Variants in TMEM178A observed in about 807,000 individuals in gnomAD.
TMEM178A encodes the protein transmembrane protein 178A.
TMEM178A carries 12 observed loss-of-function variants against 29.1 expected under a neutral mutation model. The observed-to-expected ratio is 0.41, with a 90% confidence interval of 0.26 to 0.67. TMEM178A has a LOEUF of 0.67. Among genes scored for constraint, TMEM178A ranks in the 30% least tolerant of loss-of-function variants. The pLI is 0.29. For missense variants in TMEM178A, 366 were observed against 419.1 expected (o/e 0.87, Z 1.11); for synonymous variants, 210 against 187.2 (o/e 1.12, Z -0.99).
downstream of TMEM178A, among the ~76,000 whole-genome samples, chr2:39,718,667 C>G (rs535980095): frequency 6.6e-6 from 1 of 152,162 alleles, no homozygotes; most frequent in East Asian, 1.9e-4. Flanking sequence ...GAGGATCAGA[C>G]TCAAAACATT....
At chr2:39,711,601 AC>A (rs1384205188) in intron 3 of TMEM178A, among the ~76,000 whole-genome samples, 6 of 152,298 alleles carry the variant, frequency 3.9e-5, no homozygotes, top group African/African-American at 1.4e-4. Context: ...GGGACAGTTA[AC>A]ACCCACCCAC....
the TMEM178A span, among the ~76,000 whole-genome samples, chr2:39,725,240 A>G: frequency 1.3e-5 from 2 of 152,298 alleles, no homozygotes; most frequent in Non-Finnish European, 2.9e-5. Context: ...CCCCTACAAA[A>G]CCAGTTCCTT....
At chr2:39,704,254 C>A in intron 2 of TMEM178A, 60 bp downstream of exon 2, 1 of 1,386,094 alleles carries the variant, frequency 7.2e-7, no homozygotes, top group South Asian at 1.2e-5. Flanking sequence ...AAAATTCCCA[C>A]CACCCCTCTC....
chr2:39,673,645 C>G (rs1488473059), intron 1 of TMEM178A, among the ~76,000 whole-genome samples: 1 of 152,194 alleles, frequency 6.6e-6, no homozygotes, highest in Non-Finnish European at 1.5e-5. Flanking sequence ...TGTCTCTTTA[C>G]AACAGGTCAC....
chr2:39,691,270 A>G (rs796721462), intron 1 of TMEM178A, among the ~76,000 whole-genome samples: 7 of 152,330 alleles, frequency 4.6e-5, no homozygotes, highest in African/African-American at 1.7e-4. Context: ...GAGACATATC[A>G]TAATATAACT....
chr2:39,697,084 C>G (rs1671575720), intron 1 of TMEM178A, among the ~76,000 whole-genome samples: 1 of 152,158 alleles, frequency 6.6e-6, no homozygotes, highest in South Asian at 2.1e-4. Context: ...GAATCTAATG[C>G]CTCCTTGTGG....
chr2:39,725,688 C>G, the TMEM178A span, among the ~76,000 whole-genome samples: 1 of 152,180 alleles, frequency 6.6e-6, no homozygotes, highest in Admixed American at 6.5e-5. Context: ...AATGACGCAT[C>G]ACTAAGATGG....
downstream of TMEM178A, among the ~76,000 whole-genome samples, chr2:39,720,467 C>G (rs1441875384): frequency 6.6e-6 from 1 of 152,186 alleles, no homozygotes; most frequent in African/African-American, 2.4e-5. Context: ...TGGGGACACC[C>G]CCTCCTCTGC....
chr2:39,704,399 G>T (rs1213054003), intron 2 of TMEM178A, among the ~76,000 whole-genome samples: 1 of 152,154 alleles, frequency 6.6e-6, no homozygotes. Context: ...TGGAAACCTG[G>T]TATAAGGTCT....
chr2:39,689,042 C>T (rs1351485362), intron 1 of TMEM178A, among the ~76,000 whole-genome samples: 1 of 152,182 alleles, frequency 6.6e-6, no homozygotes, highest in African/African-American at 2.4e-5. Flanking sequence ...CCAAATGCCA[C>T]TTTCCTATTC....
the TMEM178A span, among the ~76,000 whole-genome samples, chr2:39,725,648 ATG>A: frequency 2.0e-5 from 3 of 152,182 alleles, no homozygotes; most frequent in Non-Finnish European, 4.4e-5. Flanking sequence ...ATGCCAGTAA[ATG>A]TGTGTTGAAG....
chr2:39,666,373 A>C lies in TMEM178A; in HGVS notation c.399A>C (p.Lys133Asn). ...IDRDIDTLIL[K>N]GIAQRCTAIK... ...GGGACATCGACACCCTCATCCTGAA[A>C]GGTGAGCGGCGGGCGCACCCCGCGT... Residue 133 changes from lysine (K) to asparagine (N), a missense_variant and splice_region_variant, in exon 1 of 4, where the codon AAA (lysine) becomes AAC (asparagine). Physicochemically the swap from Lys to Asn is moderately conservative, Grantham distance 94 (BLOSUM62 0). Around this residue, in one of 2 missense-constraint regions of TMEM178A, gnomAD observed 247 missense variants for 246.8 expected, o/e 1.00. Coordinates refer to ENST00000281961, the MANE Select transcript of TMEM178A (RefSeq NM_152390.3). The C allele has an allele frequency of 7.2e-7, 1 of 1,380,054 alleles. No individual in the cohort carries two copies. Among genetic ancestry groups the C allele is most frequent in the South Asian group, 1.6e-5 (1 of 62,058 alleles). The allele number at this position is 1,380,054 out of a possible 1,614,324, so 85.5% of individuals were successfully genotyped here.
chr2:39,704,275 A>G, intron 2 of TMEM178A, 81 bp downstream of exon 2: 1 of 1,188,512 alleles, frequency 8.4e-7, no homozygotes, highest in South Asian at 1.3e-5. Flanking sequence ...ACATCTGGAC[A>G]GAAGGATGTT....
rs147976757 is a variant in TMEM178A at position 39,702,616 on chromosome 2, C to T, written c.401-1465C>T. On this transcript the variant is annotated intron_variant, in intron 1 of 3. Coordinates refer to ENST00000281961, the MANE Select transcript of TMEM178A (RefSeq NM_152390.3). ...CAGCTAACTTATATGTAAACAGCTA[C>T]CTTTAATGCCTTAGACCTCACAACC... Among the ~76,000 whole-genome samples, 602 of 151,802 alleles carry T rather than the reference C, an allele frequency of 4.0e-3. 4 individuals carry two copies. The highest frequency in any genetic ancestry group is 0.013 in the African/African-American group (538 of 41,366).
At chr2:39,711,069 T>A (rs952418861) in intron 3 of TMEM178A, among the ~76,000 whole-genome samples, 2 of 152,170 alleles carry the variant, frequency 1.3e-5, no homozygotes, top group Middle Eastern at 6.3e-3. Context: ...AGGGGCAGCC[T>A]GCACATCTCC....
In TMEM178A at chr2:39,696,637, G is replaced by A. The variant is rs998074231; in HGVS notation, c.401-7444G>A. On this transcript the variant is annotated intron_variant, in intron 1 of 3. Transcript: ENST00000281961. ...TGACCGCAAGGTCTTTAACCATCATGTATACTGCCCGCCTCATTATTGATT... is the reference window on the plus strand; with the variant it reads ...TGACCGCAAGGTCTTTAACCATCATATATACTGCCCGCCTCATTATTGATT... 2.0e-5 allele frequency among the ~76,000 whole-genome samples: 3 copies of A among 152,150 alleles called. No individual in the cohort carries two copies. The East Asian group carries it at 5.8e-4, about 29-fold the overall frequency.
At chr2:39,724,397 C>G in the TMEM178A span, among the ~76,000 whole-genome samples, 4 of 152,134 alleles carry the variant, frequency 2.6e-5, no homozygotes, top group African/African-American at 9.7e-5. Flanking sequence ...TGCAAGAATG[C>G]TGGTAATAAC....
chr2:39,726,192 G>A, the TMEM178A span, among the ~76,000 whole-genome samples: 1 of 152,172 alleles, frequency 6.6e-6, no homozygotes, highest in East Asian at 1.9e-4. Context: ...GGTGATATGT[G>A]CTATGAACGA....
At chr2:39,714,831 A>G (rs1672465933) in intron 3 of TMEM178A, among the ~76,000 whole-genome samples, 2 of 152,188 alleles carry the variant, frequency 1.3e-5, no homozygotes, top group Admixed American at 1.3e-4. Flanking sequence ...CAGAGGGAGT[A>G]TATACAGAAA....
Sources: allele counts gnomAD v4.1 joint callset (sites outside exome capture counted in the v4.1 genomes callset), GRCh38; gene constraint gnomAD v4.1.1; regional missense constraint gnomAD v4.1.1; transcripts MANE v1.5; gene names NCBI Gene and HGNC (gene_info 2026-07-23, HGNC 2026-07-21).